Variants in ZDHHC14 observed in about 807,000 individuals in gnomAD.
The protein encoded by ZDHHC14 is palmitoyltransferase ZDHHC14.
Under a neutral mutation model 47.7 loss-of-function variants are expected in ZDHHC14, and 16 were observed. The observed-to-expected ratio is 0.34, with a 90% CI of 0.23 to 0.51. The LOEUF is 0.51. ZDHHC14 is among the 20% of genes least tolerant of loss of function. ZDHHC14 has a pLI of 0.97. For synonymous variants in ZDHHC14, 293 were observed against 278.9 expected (o/e 1.05, Z -0.50); for missense variants, 515 against 662.5 (o/e 0.78, Z 2.44).
chr6:157,428,769 G>A (rs1562421517), intron 1 of ZDHHC14, among the ~76,000 whole-genome samples: 1 of 152,152 alleles, frequency 6.6e-6, no homozygotes, highest in Non-Finnish European at 1.5e-5. Flanking sequence ...TACCTGTTCT[G>A]GTTGTTGCTC....
intron 2 of ZDHHC14, among the ~76,000 whole-genome samples, chr6:157,576,379 A>C (rs537410662): frequency 6.6e-6 from 1 of 152,214 alleles, no homozygotes; most frequent in Non-Finnish European, 1.5e-5. Flanking sequence ...CAAACAGTTA[A>C]AATAAAAGGA....
chr6:157,638,966 G>A (rs1417296045), intron 5 of ZDHHC14, among the ~76,000 whole-genome samples: 1 of 152,252 alleles, frequency 6.6e-6, no homozygotes, highest in South Asian at 2.1e-4. Flanking sequence ...CTATCAGGAA[G>A]GGGCAGCCCA....
intron 5 of ZDHHC14, among the ~76,000 whole-genome samples, chr6:157,643,007 C>A (rs577098546): frequency 2.0e-5 from 3 of 152,244 alleles, no homozygotes; most frequent in Non-Finnish European, 4.4e-5. Context: ...CCCAGCAGAG[C>A]AGACTTCCGG....
rs750975822 is a variant in ZDHHC14 at position 157,458,849 on chromosome 6, ATTTTTTTT to A, written c.245+76598_245+76605del. On this transcript the variant is annotated intron_variant, in intron 1 of 8. Coordinates refer to ENST00000359775, the MANE Select transcript of ZDHHC14 (RefSeq NM_024630.3). The stretch of plus-strand genomic sequence containing the variant: ...TACAGGTACTAGCAAATGTGGGTGG[ATTTTTTTT>A]TTTTTTTTTTTTTTGAGACGGAGTT... 5.4e-3 allele frequency among the ~76,000 whole-genome samples: 437 copies of A among 81,226 alleles called. 12 individuals carry two copies. Among genetic ancestry groups the A allele is most frequent in the Non-Finnish European group, 7.4e-3 (322 of 43,646 alleles). The allele number at this position is 81,226 out of a possible 152,430, so 53.3% of individuals were successfully genotyped here.
At chr6:157,492,429 G>A (rs977660905) in intron 1 of ZDHHC14, among the ~76,000 whole-genome samples, 4 of 151,772 alleles carry the variant, frequency 2.6e-5, no homozygotes, top group Admixed American at 6.6e-5. Flanking sequence ...GTGGGAAACC[G>A]GCAAAGCGGG....
chr6:157,466,127 G>T (rs1779210466), intron 1 of ZDHHC14, among the ~76,000 whole-genome samples: 3 of 152,182 alleles, frequency 2.0e-5, no homozygotes, highest in Admixed American at 2.0e-4. Flanking sequence ...TTCTACCTTG[G>T]CCTGATCCTC....
intron 8 of ZDHHC14, among the ~76,000 whole-genome samples, chr6:157,669,203 C>T (rs1484363450): frequency 1.3e-5 from 2 of 152,104 alleles, no homozygotes; most frequent in South Asian, 4.2e-4. Flanking sequence ...CCACCTTATC[C>T]GAGAAGGTTC....
chr6:157,673,902 T>C lies in ZDHHC14; in HGVS notation c.*780T>C, dbSNP rs760008975. 2 of 152,652 alleles carry C rather than the reference T, an allele frequency of 1.3e-5. No individual in the cohort carries two copies. Among genetic ancestry groups the C allele is most frequent in the African/African-American group, 4.8e-5 (2 of 41,458 alleles). 9.5% of individuals were successfully genotyped at this position (152,652 alleles called of 1,614,324 possible). ...TCTTCACCTCCGTGTGTGATGAAAC[T>C]TCCCGTGGACAGCCAATAAAATGAC... is the stretch of plus-strand genomic sequence containing the variant. On this transcript the variant is annotated 3_prime_UTR_variant, in exon 9 of 9. Coordinates refer to ENST00000359775, the MANE Select transcript of ZDHHC14 (RefSeq NM_024630.3). The surrounding 1 kb of genome is among the most constrained non-coding windows in gnomAD (Gnocchi z 5.4).
At chr6:157,563,903 G>A (rs1193652061) in intron 2 of ZDHHC14, among the ~76,000 whole-genome samples, 1 of 152,226 alleles carries the variant, frequency 6.6e-6, no homozygotes, top group African/African-American at 2.4e-5. Context: ...GCTTCAGGCT[G>A]AATTCAGTCA....
intron 1 of ZDHHC14, among the ~76,000 whole-genome samples, chr6:157,486,340 C>T (rs1779778321): frequency 6.6e-6 from 1 of 152,222 alleles, no homozygotes; most frequent in South Asian, 2.1e-4. Flanking sequence ...CCAAGCACAG[C>T]ATCTCCTACC....
At chr6:157,546,830 A>C (rs1357872802) in intron 2 of ZDHHC14, among the ~76,000 whole-genome samples, 1 of 152,238 alleles carries the variant, frequency 6.6e-6, no homozygotes, top group East Asian at 1.9e-4. Flanking sequence ...AAAGTATTTC[A>C]CATTCCACAG....
rs1332299379 is a variant in ZDHHC14, at chr6:157,438,676, T to C, written c.245+56410T>C. Among the ~76,000 whole-genome samples the C allele has an allele frequency of 2.0e-5, 3 of 152,268 alleles. No individual in the cohort carries two copies. The East Asian group carries it at 5.8e-4, about 29-fold the overall frequency. On this transcript the variant is annotated intron_variant, in intron 1 of 8. Transcript: ENST00000359775. ...ACTTTCTCAGGGAATAAAAAGTTTT[T>C]CCTTCCACTGTACCACAAGATATTT... is the stretch of plus-strand genomic sequence containing the variant.
intron 1 of ZDHHC14, among the ~76,000 whole-genome samples, chr6:157,421,214 A>G (rs756748129): frequency 1.5e-4 from 23 of 152,130 alleles, no homozygotes; most frequent in Middle Eastern, 3.4e-3. Context: ...GATAGAAGCA[A>G]ACTGCCTGGG....
At chr6:157,536,020 A>T (rs574271196) in intron 1 of ZDHHC14, among the ~76,000 whole-genome samples, 28 of 151,460 alleles carry the variant, frequency 1.8e-4, no homozygotes, top group African/African-American at 6.1e-4. Context: ...TCCATTTCTC[A>T]CAATGCTACT....
At chr6:157,419,417 T>C (rs1373874770) in intron 1 of ZDHHC14, among the ~76,000 whole-genome samples, 1 of 152,252 alleles carries the variant, frequency 6.6e-6, no homozygotes, top group African/African-American at 2.4e-5. Context: ...AAATTCCCTG[T>C]ATGGTACAGT....
At chr6:157,589,272 C>T (rs1783816979) in intron 2 of ZDHHC14, among the ~76,000 whole-genome samples, 1 of 152,130 alleles carries the variant, frequency 6.6e-6, no homozygotes, top group Non-Finnish European at 1.5e-5. Flanking sequence ...AATCCACCCC[C>T]ATGATCCAGT....
intron 3 of ZDHHC14, among the ~76,000 whole-genome samples, chr6:157,611,002 A>G (rs2114922541): frequency 6.6e-6 from 1 of 152,196 alleles, no homozygotes; most frequent in South Asian, 2.1e-4. Flanking sequence ...GAATAAATGC[A>G]CATTTTTGTT....
intron 1 of ZDHHC14, among the ~76,000 whole-genome samples, chr6:157,415,291 A>G (rs915940042): frequency 9.9e-5 from 15 of 152,188 alleles, no homozygotes; most frequent in Non-Finnish European, 8.8e-5. Flanking sequence ...TACTGTCTTT[A>G]TTGCCAGTTT....
At chr6:157,635,707 C>T (rs891614117) in intron 5 of ZDHHC14, among the ~76,000 whole-genome samples, 2 of 152,206 alleles carry the variant, frequency 1.3e-5, no homozygotes, top group Non-Finnish European at 2.9e-5. Context: ...CGGCATCCCC[C>T]TTAGGGGCAC....
Sources: gnomAD v4.1 joint callset for allele counts (sites outside exome capture counted in the v4.1 genomes callset) on GRCh38, gnomAD v4.1.1 for gene constraint, Gnocchi (gnomAD v3.1) non-coding constraint, MANE v1.5 for transcripts, NCBI Gene and HGNC (gene_info 2026-07-23, HGNC 2026-07-21) for gene names.